Variants in ITFG1 observed in about 807,000 individuals in gnomAD.
ITFG1 encodes the protein T-cell immunomodulatory protein.
ITFG1 carries 34 observed loss-of-function variants against 81.8 expected under a neutral mutation model. The observed-to-expected ratio is 0.42, with a 90% CI of 0.32 to 0.55. The LOEUF (loss-of-function observed/expected upper bound fraction) is 0.55. Among genes scored for constraint, ITFG1 ranks in the 20% least tolerant of loss-of-function variants. The probability of loss-of-function intolerance (pLI) is 0.17; values close to 1 mark genes in which losing one functional copy is unlikely to be tolerated. For missense variants in ITFG1, 672 were observed against 755.4 expected, an observed-to-expected ratio of 0.89 and a Z score of 1.29; for synonymous variants, 285 against 270.6, an observed-to-expected ratio of 1.05 and a Z score of -0.52.
chr16:47,334,874 T>A (rs1967682265), intron 8 of ITFG1, among the ~76,000 whole-genome samples: 1 of 152,130 alleles, frequency 6.6e-6, no homozygotes, highest in African/African-American at 2.4e-5. Flanking sequence ...TTATTTAAAA[T>A]TAATGCAAAA....
rs937258379 is a variant in ITFG1, at chr16:47,154,465, G to T, written c.*1254C>A. 5 of 152,090 alleles carry T rather than the reference G, an allele frequency of 3.3e-5. No individual in the cohort carries two copies. The highest frequency in any genetic ancestry group is 7.4e-5 in the Non-Finnish European group (5 of 68,022). 9.4% of individuals were successfully genotyped at this position (152,090 alleles called of 1,614,324 possible). A position where few individuals can be genotyped will look rare whatever the true frequency, so the allele number is the denominator to read the frequency against. ...AAAGTAAAAACACATGCCAATCTCA[G>T]TGAACTATAAAGAAAAAAATAAGAA... On this transcript the variant is annotated 3_prime_UTR_variant, in exon 18 of 18. Coordinates refer to ENST00000320640, the MANE Select transcript of ITFG1 (RefSeq NM_030790.5).
At chr16:47,170,894 C>A (rs548122979) in intron 14 of ITFG1, among the ~76,000 whole-genome samples, 4 of 151,630 alleles carry the variant, frequency 2.6e-5, no homozygotes, top group African/African-American at 9.7e-5. Context: ...ACCACCACAC[C>A]CAGCTAATTT....
At chr16:47,408,505 T>C (rs1266481066) in intron 6 of ITFG1, among the ~76,000 whole-genome samples, 1 of 152,066 alleles carries the variant, frequency 6.6e-6, no homozygotes, top group Non-Finnish European at 1.5e-5. Flanking sequence ...AATGATCTAA[T>C]AAAGAAAAAG....
intron 12 of ITFG1, among the ~76,000 whole-genome samples, chr16:47,255,034 C>A (rs907061759): frequency 6.6e-6 from 1 of 152,064 alleles, no homozygotes; most frequent in African/African-American, 2.4e-5. Flanking sequence ...GTGCAGTCAG[C>A]CAAGATCGCG....
intron 5 of ITFG1, among the ~76,000 whole-genome samples, chr16:47,430,063 T>C (rs1439805578): frequency 1.3e-5 from 2 of 149,804 alleles, no homozygotes; most frequent in African/African-American, 4.9e-5. Context: ...TTTTCTTTTT[T>C]TTTTTTTTTT....
intron 12 of ITFG1, among the ~76,000 whole-genome samples, chr16:47,255,264 C>A (rs1316970438): frequency 6.6e-6 from 1 of 152,132 alleles, no homozygotes; most frequent in East Asian, 1.9e-4. Flanking sequence ...GTTAGTTTTA[C>A]AGGAGCCCAT....
intron 6 of ITFG1, among the ~76,000 whole-genome samples, chr16:47,391,936 T>A (rs893095787): frequency 2.6e-5 from 4 of 152,190 alleles, no homozygotes; most frequent in Non-Finnish European, 4.4e-5. Context: ...GCTTAATATA[T>A]GCCAAGTACT....
chr16:47,412,695 CAAAAAAA>C (rs34669796), intron 6 of ITFG1, among the ~76,000 whole-genome samples: 4 of 106,114 alleles, frequency 3.8e-5, no homozygotes, highest in African/African-American at 1.3e-4. Flanking sequence ...GACTCTGTCT[CAAAAAAA>C]AAAAAAAAAA....
In ITFG1 at chr16:47,331,093, C is replaced by T. The variant is rs569346720; in HGVS notation, c.803-17270G>A. ...AATCTAGGTGCCCATCAACGGTGGA[C>T]TGGATAAAGAAAATGTGGTACCAAT... is the stretch of plus-strand genomic sequence containing the variant. On this transcript the variant is annotated intron_variant, in intron 8 of 17. Coordinates refer to ENST00000320640, the MANE Select transcript of ITFG1 (RefSeq NM_030790.5). 5.3e-5 allele frequency among the ~76,000 whole-genome samples: 8 copies of T among 152,048 alleles called. No homozygotes were observed. The South Asian group carries it at 1.2e-3, about 24-fold the overall frequency.
intron 14 of ITFG1, among the ~76,000 whole-genome samples, chr16:47,177,419 G>A (rs890663255): frequency 2.0e-5 from 3 of 152,074 alleles, no homozygotes; most frequent in Non-Finnish European, 4.4e-5. Context: ...AAATCAGATG[G>A]TCTAGCCAGA....
At chr16:47,365,036 G>A (rs958762125) in intron 8 of ITFG1, among the ~76,000 whole-genome samples, 1 of 152,130 alleles carries the variant, frequency 6.6e-6, no homozygotes. Flanking sequence ...CATTTACATT[G>A]TGCTATTCAT....
rs1968839261 is a variant in ITFG1, at chr16:47,413,748, C to T, written c.655+15056G>A. 2.0e-5 allele frequency among the ~76,000 whole-genome samples: 3 copies of T among 152,202 alleles called. No individual in the cohort carries two copies. In the South Asian group the frequency reaches 6.2e-4, roughly 32 times the overall value. On this transcript the variant is annotated intron_variant, in intron 6 of 17. Coordinates refer to ENST00000320640, the MANE Select transcript of ITFG1 (RefSeq NM_030790.5). ...AGATACAATAAAGCAACTCCAAAATCAAATAAAATATCATTTGATTTGCAA... is the reference window on the plus strand; with the variant it reads ...AGATACAATAAAGCAACTCCAAAATTAAATAAAATATCATTTGATTTGCAA...
intron 8 of ITFG1, 121 bp from the exon 9 acceptor site, chr16:47,313,944 C>A (rs930725333): frequency 1.2e-5 from 6 of 489,264 alleles, no homozygotes; most frequent in Non-Finnish European, 2.1e-5. Flanking sequence ...AAGAATTTGA[C>A]ACATGGCTTC....
At chr16:47,316,460 A>G (rs1316021400) in intron 8 of ITFG1, among the ~76,000 whole-genome samples, 1 of 152,218 alleles carries the variant, frequency 6.6e-6, no homozygotes, top group African/African-American at 2.4e-5. Flanking sequence ...TGCATTCCCT[A>G]GGAGTAGGGA....
At chr16:47,323,963 G>C (rs183803661) in intron 8 of ITFG1, among the ~76,000 whole-genome samples, 1 of 152,128 alleles carries the variant, frequency 6.6e-6, no homozygotes, top group Admixed American at 6.6e-5. Context: ...TGTTTTATAT[G>C]AAGTATTAAA....
At chr16:47,305,902 G>T (rs1481701954) in intron 10 of ITFG1, among the ~76,000 whole-genome samples, 1 of 152,084 alleles carries the variant, frequency 6.6e-6, no homozygotes, top group Non-Finnish European at 1.5e-5. Context: ...ACTGAAGAAA[G>T]AACAAAAGAT....
chr16:47,419,601 C>CTTTTTTTT, intron 6 of ITFG1, among the ~76,000 whole-genome samples: 1 of 81,992 alleles, frequency 1.2e-5, no homozygotes, highest in Non-Finnish European at 2.3e-5. Context: ...TACTTCAGGT[C>CTTTTTTTT]TTTTTTTTTT....
chr16:47,213,486 T>TGA (rs1415883428), intron 14 of ITFG1, among the ~76,000 whole-genome samples: 2 of 152,142 alleles, frequency 1.3e-5, no homozygotes, highest in African/African-American at 4.8e-5. Flanking sequence ...TGCCAAATCT[T>TGA]GAGAGAGAGA....
At chr16:47,217,876 G>GTGGCGGGA (rs1965644688) in intron 14 of ITFG1, 1 of 152,256 alleles carries the variant, frequency 6.6e-6, no homozygotes, top group Non-Finnish European at 1.5e-5. Flanking sequence ...AGTGAGCTGA[G>GTGGCGGGA]ATCGCGCCAC....
Sources: allele counts gnomAD v4.1 joint callset (sites outside exome capture counted in the v4.1 genomes callset), GRCh38; gene constraint gnomAD v4.1.1; transcripts MANE v1.5; gene names NCBI Gene and HGNC (gene_info 2026-07-23, HGNC 2026-07-21).